The following ZNF133 variants were observed in gnomAD, a reference collection of about 807,000 sequenced individuals.
ZNF133 encodes zinc finger protein 133, also known as zinc finger protein 133 (clone pHZ-13).
In ZNF133, 26 loss-of-function variants were observed where a neutral mutation model predicts 54.9. That is an observed-to-expected ratio of 0.47 (90% CI 0.35 to 0.66). ZNF133 has a LOEUF of 0.66. Among genes scored for constraint, ZNF133 ranks in the 30% least tolerant of loss-of-function variants. ZNF133 has a pLI of 0.01. For synonymous variants in ZNF133, 298 were observed against 320.3 expected (o/e 0.93, Z 0.74); for missense variants, 653 against 820.8 (o/e 0.80, Z 2.50).
At chr20:18,307,292 C>G (rs1208350134) in intron 6 of ZNF133, among the ~76,000 whole-genome samples, 1 of 152,132 alleles carries the variant, frequency 6.6e-6, no homozygotes, top group African/African-American at 2.4e-5. Context: ...TTAAGGACTT[C>G]ATTTGGCATT....
chr20:18,308,787 GATAA>G (rs1249796802), intron 6 of ZNF133, among the ~76,000 whole-genome samples: 2 of 152,210 alleles, frequency 1.3e-5, no homozygotes, highest in African/African-American at 4.8e-5. Flanking sequence ...CTTAATAACA[GATAA>G]ATTTCATGAG....
chr20:18,315,616 G>T lies in ZNF133; in HGVS notation c.765G>T (p.Lys255Asn), dbSNP rs1436403067. 2.5e-6 allele frequency: 4 copies of T among 1,613,356 alleles called. No individual in the cohort carries two copies. The Admixed American group carries it at 6.7e-5, about 27-fold the overall frequency. The change falls in exon 7 of 7, where the codon AAG becomes AAT. Residue 255 changes from lysine to asparagine, a missense_variant. Lys to Asn is a moderately conservative substitution (Grantham distance 94). Around this residue, in one of 4 missense-constraint regions of ZNF133, gnomAD observed 292 missense variants for 431.6 expected, o/e 0.68. Transcript: ENST00000425686. ...GTGAGAAGGGCTTCAGCCTAAAGAA[G>T]AGCCTCGCCAGACACCAGAAGGCAC... ...GVCEKGFSLK[K>N]SLARHQKAHS...
chr20:18,313,340 T>C (rs1166443429), intron 6 of ZNF133: 1 of 152,218 alleles, frequency 6.6e-6, no homozygotes, highest in East Asian at 1.9e-4. Context: ...CTGAAATACA[T>C]TTAGTGTAAA....
chr20:18,312,834 T>C (rs1348914915), intron 6 of ZNF133: 1 of 152,190 alleles, frequency 6.6e-6, no homozygotes, highest in Non-Finnish European at 1.5e-5. Context: ...CTCAGCGTCC[T>C]GGGTAGCTGA....
chr20:18,311,658 CT>C lies in ZNF133; in HGVS notation c.218-3408del, dbSNP rs1160419412. On this transcript the variant is annotated intron_variant, in intron 6 of 6. Coordinates refer to ENST00000425686, the MANE Select transcript of ZNF133 (RefSeq NM_001352452.2). ...CAAGTAAAATTATTGCATGAGAACA[CT>C]TTGTATAGTTTTGTTTTTGAATTTT... 2.6e-5 allele frequency among the ~76,000 whole-genome samples: 4 copies of C among 152,104 alleles called. No individual in the cohort carries two copies. The East Asian group carries it at 7.7e-4, about 29-fold the overall frequency.
intron 1 of ZNF133, chr20:18,295,469 A>G (rs2042045663): frequency 6.6e-6 from 1 of 152,166 alleles, no homozygotes; most frequent in African/African-American, 2.4e-5. Context: ...TTCTTAGTTG[A>G]ATATTTATGC....
chr20:18,303,098 G>A (rs1378271217), intron 3 of ZNF133, among the ~76,000 whole-genome samples: 1 of 151,094 alleles, frequency 6.6e-6, no homozygotes, highest in Non-Finnish European at 1.5e-5. Context: ...CCAGGCTGGA[G>A]TGCAGTGGCA....
chr20:18,300,283 A>G (rs1045446812), intron 3 of ZNF133, among the ~76,000 whole-genome samples: 1 of 152,194 alleles, frequency 6.6e-6, no homozygotes, highest in Non-Finnish European at 1.5e-5. Flanking sequence ...AGTTTAGGAC[A>G]TTAAGTGTAA....
At position 18,298,414 on chromosome 20, in the gene ZNF133, C is replaced by G. The variant is rs933093768; in HGVS notation, c.-228C>G. The G allele has an allele frequency of 2.7e-5, 27 of 984,304 alleles. No homozygotes were observed. The Admixed American group carries it at 4.0e-4, about 15-fold the overall frequency. The allele number at this position is 984,304 out of a possible 1,614,324, so 61.0% of individuals were successfully genotyped here. A position where few individuals can be genotyped will look rare whatever the true frequency, so the allele number is the denominator to read the frequency against. ...TATCAGGTGTACCTATTTTGGAACT[C>G]TGGAGTCTAGTTGAAGGCCTCCAGT... On this transcript the variant is annotated 5_prime_UTR_variant, in exon 3 of 7. Transcript: ENST00000425686.
chr20:18,316,143 C>T lies in ZNF133; in HGVS notation c.1292C>T (p.Thr431Ile), dbSNP rs777316260. The T allele has an allele frequency of 3.7e-6, 6 of 1,612,498 alleles. No homozygotes were observed. The South Asian group carries it at 6.6e-5, about 18-fold the overall frequency. ...QNSTLISHRR[T>I]HTGEKPYVCG... Reference sequence around the variant, plus strand: ...TCAACCCTCATCTCTCACAGGCGGACACACACTGGGGAGAAGCCGTATGTT... The same window carrying T: ...TCAACCCTCATCTCTCACAGGCGGATACACACTGGGGAGAAGCCGTATGTT... Residue 431 changes from threonine (T) to isoleucine (I), a missense_variant, in exon 7 of 7, where the codon ACA becomes ATA. Physicochemically the swap from Thr to Ile is moderately conservative, Grantham distance 89. Coordinates refer to ENST00000425686, the MANE Select transcript of ZNF133 (RefSeq NM_001352452.2).
Position 18,315,730 on chromosome 20 carries a change from C to A in ZNF133, c.879C>A (p.Ser293=). The A allele has an allele frequency of 6.2e-7, 1 of 1,613,678 alleles. No individual in the cohort carries two copies. Among genetic ancestry groups the A allele is most frequent in the Non-Finnish European group, 8.5e-7 (1 of 1,179,824 alleles). Residue 293 remains serine (S), a synonymous_variant, in exon 7 of 7, where the codon TCC becomes TCA. Transcript: ENST00000425686. The part of the protein sequence containing the change: ...STLIIHERTH[S]GEKPYMCSEC... ...TAATCATACACGAACGGACACACTCCGGTGAGAAACCTTACATGTGCAGTG... is the reference window on the plus strand; with the variant it reads ...TAATCATACACGAACGGACACACTCAGGTGAGAAACCTTACATGTGCAGTG...
Position 18,316,177 on chromosome 20 carries a change from G to A in ZNF133, c.1326G>A (p.Val442=), listed in dbSNP as rs1162807070. The change falls in exon 7 of 7, where the codon GTG becomes GTA. Residue 442 remains valine (V), a synonymous_variant. Transcript: ENST00000425686. ...GGGAGAAGCCGTATGTTTGTGGGGT[G>A]TGTGGGCGAGGCTTTAGTCTCAAGT... is the stretch of plus-strand genomic sequence containing the variant. ...HTGEKPYVCG[V]CGRGFSLKSH... 8 of 1,610,320 alleles carry A rather than the reference G, an allele frequency of 5.0e-6. No homozygotes were observed. The highest frequency in any genetic ancestry group is 1.7e-5 in the Admixed American group (1 of 59,840).
chr20:18,291,745 C>T (rs1166993689), intron 1 of ZNF133, among the ~76,000 whole-genome samples: 8 of 150,664 alleles, frequency 5.3e-5, no homozygotes, highest in Non-Finnish European at 7.4e-5. Flanking sequence ...AGGAGTCTCG[C>T]TCTATCGCCC....
chr20:18,295,453 T>C (rs751018507), intron 1 of ZNF133: 4 of 152,256 alleles, frequency 2.6e-5, no homozygotes, highest in Non-Finnish European at 4.4e-5. Context: ...CTCACATCCA[T>C]GTCACTTCTT....
chr20:18,298,392 C>A lies in ZNF133; in HGVS notation c.-250C>A, dbSNP rs2042662509. ...CAACGATTATACTGGCAGGATCTAT[C>A]AGGTGTACCTATTTTGGAACTCTGG... On this transcript the variant is annotated 5_prime_UTR_variant, in exon 3 of 7. Transcript: ENST00000425686. The A allele has an allele frequency of 2.7e-6, 3 of 1,121,434 alleles. No individual in the cohort carries two copies. Among genetic ancestry groups the A allele is most frequent in the Admixed American group, 4.4e-5 (1 of 22,492 alleles). The allele number at this position is 1,121,434 out of a possible 1,614,324, so 69.5% of individuals were successfully genotyped here.
intron 1 of ZNF133, among the ~76,000 whole-genome samples, chr20:18,293,273 G>A (rs2041482576): frequency 6.6e-6 from 1 of 152,178 alleles, no homozygotes; most frequent in Admixed American, 6.5e-5. Flanking sequence ...AGTCATTTGG[G>A]GACTCATTTG....
At position 18,316,340 on chromosome 20, in the gene ZNF133, G is replaced by C. The variant is rs1432335139; in HGVS notation, c.1489G>C (p.Gly497Arg). ...THSGEKPMVC[G>R]ECGRGFSQKS... ...CTCAGGCGAGAAGCCCATGGTGTGT[G>C]GGGAGTGCGGGCGAGGCTTCAGCCA... The change falls in exon 7 of 7, where the codon GGG becomes CGG. Residue 497 changes from glycine (G) to arginine (R), a missense_variant. This residue lies in a region of ZNF133 where 292 missense variants were observed against 431.6 expected (regional missense o/e 0.68). Coordinates refer to ENST00000425686, the MANE Select transcript of ZNF133 (RefSeq NM_001352452.2). 1 of 1,607,824 alleles carries C rather than the reference G, an allele frequency of 6.2e-7. No individual in the cohort carries two copies. Among genetic ancestry groups the C allele is most frequent in the Non-Finnish European group, 8.5e-7 (1 of 1,177,568 alleles).
At chr20:18,292,940 A>C (rs1600336303) in intron 1 of ZNF133, among the ~76,000 whole-genome samples, 1 of 152,212 alleles carries the variant, frequency 6.6e-6, no homozygotes. Flanking sequence ...AGGGGTGGGG[A>C]GGAATTGAGA....
Position 18,316,521 on chromosome 20 carries a change from T to C in ZNF133, c.1670T>C (p.Leu557Pro). The C allele has an allele frequency of 1.9e-6, 3 of 1,614,036 alleles. No individual in the cohort carries two copies. Among genetic ancestry groups the C allele is most frequent in the Non-Finnish European group, 2.5e-6 (3 of 1,179,878 alleles). ...EKPYMCRQCG[L>P]GFGNKSALIT... ...CCCTACATGTGCAGGCAGTGTGGACTGGGCTTTGGCAATAAGTCAGCTCTA... is the reference window on the plus strand; with the variant it reads ...CCCTACATGTGCAGGCAGTGTGGACCGGGCTTTGGCAATAAGTCAGCTCTA... Residue 557 changes from leucine (L) to proline (P), a missense_variant, in exon 7 of 7, where the codon CTG (leucine) becomes CCG (proline). This residue lies in a region of ZNF133 where 129 missense variants were observed against 138.5 expected (regional missense o/e 0.93). Transcript: ENST00000425686.
Sources: gnomAD v4.1 joint callset for allele counts (sites outside exome capture counted in the v4.1 genomes callset) on GRCh38, gnomAD v4.1.1 for gene constraint, gnomAD v4.1.1 regional missense constraint, MANE v1.5 for transcripts, NCBI Gene and HGNC (gene_info 2026-07-23, HGNC 2026-07-21) for gene names.